Variants in CNBD1 observed in about 807,000 individuals in gnomAD.
CNBD1 encodes cyclic nucleotide-binding domain-containing protein 1.
Under a neutral mutation model 54.4 loss-of-function variants are expected in CNBD1, and 71 were observed. The ratio of observed to expected loss-of-function variants is 1.30; its 90% confidence interval spans 1.08 to 1.59. The LOEUF (loss-of-function observed/expected upper bound fraction) is 1.59, where lower values mean the gene tolerates loss of function less well. CNBD1 is among the 40% of genes most tolerant of loss of function. The pLI, the probability that CNBD1 is intolerant of heterozygous loss-of-function variation, is 0.00. For missense variants in CNBD1, 659 were observed against 518.0 expected, an observed-to-expected ratio of 1.27 and a Z score of -2.64; for synonymous variants, 182 against 170.7, an observed-to-expected ratio of 1.07 and a Z score of -0.51.
At chr8:86,925,565 A>G (rs1341225809) in intron 3 of CNBD1, among the ~76,000 whole-genome samples, 1 of 150,160 alleles carries the variant, frequency 6.7e-6, no homozygotes, top group Non-Finnish European at 1.5e-5. Context: ...GGGTAAAGGC[A>G]GTAAAGAAAG....
chr8:87,308,858 T>A (rs1354401917), intron 8 of CNBD1, among the ~76,000 whole-genome samples: 2 of 152,204 alleles, frequency 1.3e-5, no homozygotes, highest in Admixed American at 1.3e-4. Context: ...TTTATGTGCC[T>A]GTCTTATTTC....
chr8:87,271,066 G>T (rs775157361), intron 6 of CNBD1, among the ~76,000 whole-genome samples: 22 of 151,658 alleles, frequency 1.5e-4, no homozygotes, highest in Non-Finnish European at 2.8e-4. Context: ...TTGTATAGTT[G>T]TTTGTAATTC....
intron 8 of CNBD1, among the ~76,000 whole-genome samples, chr8:87,309,887 A>G (rs1243012458): frequency 6.6e-6 from 1 of 152,180 alleles, no homozygotes; most frequent in Non-Finnish European, 1.5e-5. Context: ...GGAAAAGAAT[A>G]AGTCAAACTG....
intron 8 of CNBD1, among the ~76,000 whole-genome samples, chr8:87,308,356 C>T (rs1809199218): frequency 6.6e-6 from 1 of 152,162 alleles, no homozygotes; most frequent in Admixed American, 6.6e-5. Flanking sequence ...TCAGACATTT[C>T]ATAATCTTTA....
chr8:86,958,714 A>G (rs766185500), intron 4 of CNBD1, among the ~76,000 whole-genome samples: 3 of 152,020 alleles, frequency 2.0e-5, no homozygotes. Context: ...TTTTCAGCCT[A>G]TGTGTGTCTC....
chr8:87,012,925 A>G (rs1271498950), intron 4 of CNBD1, among the ~76,000 whole-genome samples: 1 of 152,224 alleles, frequency 6.6e-6, no homozygotes, highest in Non-Finnish European at 1.5e-5. Context: ...CCCTGGGCAC[A>G]TGTTCTCAGG....
Position 87,122,277 on chromosome 8 carries a change from C to T in CNBD1, c.432-83716C>T, listed in dbSNP as rs1390716139. ...CCATTCTAAAGGCGTGAGATAATAT[C>T]TCGTTTTTAATTTGCATTTTTCTAT... On this transcript the variant is annotated intron_variant, in intron 4 of 10. Coordinates refer to ENST00000518476, the MANE Select transcript of CNBD1 (RefSeq NM_173538.3). 3.3e-5 allele frequency among the ~76,000 whole-genome samples: 5 copies of T among 151,668 alleles called. No homozygotes were observed. In the South Asian group the frequency reaches 8.3e-4, roughly 25 times the overall value.
intron 4 of CNBD1, among the ~76,000 whole-genome samples, chr8:87,033,745 C>T (rs945254650): frequency 2.0e-5 from 3 of 151,602 alleles, no homozygotes; most frequent in Admixed American, 1.3e-4. Context: ...CTCCTCAATG[C>T]TTTTCTTAAT....
chr8:87,371,798 T>C (rs1352932172), intron 10 of CNBD1, among the ~76,000 whole-genome samples: 1 of 151,964 alleles, frequency 6.6e-6, no homozygotes, highest in Non-Finnish European at 1.5e-5. Context: ...CCCTTCATGC[T>C]AAAAACTCTC....
intron 10 of CNBD1, among the ~76,000 whole-genome samples, chr8:87,362,923 T>C (rs914565897): frequency 2.0e-5 from 3 of 152,024 alleles, no homozygotes; most frequent in Non-Finnish European, 2.9e-5. Flanking sequence ...GTTACATGTA[T>C]AGACACATGC....
chr8:87,313,494 A>ATG (rs370587622), intron 8 of CNBD1, among the ~76,000 whole-genome samples: 3 of 152,142 alleles, frequency 2.0e-5, no homozygotes, highest in African/African-American at 7.2e-5. Context: ...ACTATAATGT[A>ATG]TGTAACTTGA....
chr8:87,343,296 G>A (rs183270467), intron 8 of CNBD1, among the ~76,000 whole-genome samples: 5 of 152,200 alleles, frequency 3.3e-5, no homozygotes, highest in Admixed American at 1.3e-4. Context: ...TCAAACACAC[G>A]TTTTACAAAC....
At chr8:87,317,082 G>A (rs1458127979) in intron 8 of CNBD1, among the ~76,000 whole-genome samples, 1 of 151,742 alleles carries the variant, frequency 6.6e-6, no homozygotes, top group Non-Finnish European at 1.5e-5. Flanking sequence ...GTTGTTATAA[G>A]AAATTTTTTT....
Position 87,359,701 on chromosome 8 carries a change from A to T in CNBD1, c.1303+5915A>T, listed in dbSNP as rs527386919. ...GAAATAACATAGGACAGGACTCAAG[A>T]GAAAGTAAAATGAGTCTTAAATATA... On this transcript the variant is annotated intron_variant, in intron 10 of 10. Coordinates refer to ENST00000518476, the MANE Select transcript of CNBD1 (RefSeq NM_173538.3). 2.6e-5 allele frequency among the ~76,000 whole-genome samples: 4 copies of T among 152,210 alleles called. No homozygotes were observed. The South Asian group carries it at 8.3e-4, about 32-fold the overall frequency.
chr8:87,274,135 G>T (rs1808427400), intron 6 of CNBD1, among the ~76,000 whole-genome samples: 1 of 152,088 alleles, frequency 6.6e-6, no homozygotes, highest in African/African-American at 2.4e-5. Context: ...ATTCCATAGT[G>T]TATATGTGCC....
intron 4 of CNBD1, among the ~76,000 whole-genome samples, chr8:87,085,449 A>G (rs1204388560): frequency 6.6e-6 from 1 of 152,064 alleles, no homozygotes; most frequent in African/African-American, 2.4e-5. Context: ...TTGTGTCTAG[A>G]AGTGGGGCTA....
intron 4 of CNBD1, among the ~76,000 whole-genome samples, chr8:87,177,567 T>G (rs897331229): frequency 6.6e-6 from 1 of 152,206 alleles, no homozygotes; most frequent in Non-Finnish European, 1.5e-5. Flanking sequence ...CAAAAATGTC[T>G]TTTATTTTCC....
At chr8:87,135,657 T>C (rs1422987572) in intron 4 of CNBD1, among the ~76,000 whole-genome samples, 4 of 148,300 alleles carry the variant, frequency 2.7e-5, no homozygotes, top group African/African-American at 9.8e-5. Context: ...ATCCTATATA[T>C]AATATAATGC....
intron 5 of CNBD1, among the ~76,000 whole-genome samples, chr8:87,221,237 T>C (rs1335069951): frequency 6.6e-6 from 1 of 152,134 alleles, no homozygotes; most frequent in African/African-American, 2.4e-5. Flanking sequence ...TTAGCACTGT[T>C]TTTATTCTAA....
Sources: gnomAD v4.1 joint callset for allele counts (sites outside exome capture counted in the v4.1 genomes callset) on GRCh38, gnomAD v4.1.1 for gene constraint, MANE v1.5 for transcripts, NCBI Gene and HGNC (gene_info 2026-07-23, HGNC 2026-07-21) for gene names.